Variants in SYNE1 observed in about 807,000 individuals in gnomAD.
SYNE1 encodes spectrin repeat containing nuclear envelope protein 1.
A neutral mutation model predicts 1,111.0 loss-of-function variants in SYNE1; 616 were observed. That is an observed-to-expected ratio of 0.55 (90% CI 0.52 to 0.59). SYNE1 has a LOEUF of 0.59. Among genes scored for constraint, SYNE1 ranks in the 20% least tolerant of loss-of-function variants. SYNE1 has a pLI of 0.00. For missense variants in SYNE1, 10,006 were observed against 10,417.0 expected, an observed-to-expected ratio of 0.96 and a Z score of 1.72; for synonymous variants, 3,855 against 3,825.8, an observed-to-expected ratio of 1.01 and a Z score of -0.28.
At chr6:152,497,150 T>A (rs1484683471) in intron 11 of SYNE1, among the ~76,000 whole-genome samples, 1 of 152,218 alleles carries the variant, frequency 6.6e-6, no homozygotes. Context: ...GGTGGGCTCT[T>A]CACATGGACA....
intron 12 of SYNE1, among the ~76,000 whole-genome samples, chr6:152,487,207 C>T (rs2154299138): frequency 6.6e-6 from 1 of 152,262 alleles, no homozygotes; most frequent in South Asian, 2.1e-4. Context: ...TCTCCTTCTC[C>T]CACTCCCCCA....
intron 119 of SYNE1, among the ~76,000 whole-genome samples, chr6:152,219,781 A>G (rs2079678631): frequency 6.6e-6 from 1 of 152,136 alleles, no homozygotes; most frequent in Admixed American, 6.5e-5. Flanking sequence ...ATTCTTTTCC[A>G]TGGGATCTCT....
At chr6:152,452,916 C>T (rs1358932431) in intron 25 of SYNE1, among the ~76,000 whole-genome samples, 1 of 152,226 alleles carries the variant, frequency 6.6e-6, no homozygotes, top group African/African-American at 2.4e-5. Flanking sequence ...CTGCTTACTC[C>T]CATTTCTGCT....
chr6:152,483,693 G>GA (rs1291643091), intron 13 of SYNE1, among the ~76,000 whole-genome samples: 1 of 152,036 alleles, frequency 6.6e-6, no homozygotes, highest in Non-Finnish European at 1.5e-5. Context: ...AACAAGTTCA[G>GA]AAAAATGAGG....
chr6:152,221,078 T>C (rs1428947607), intron 118 of SYNE1, 32 bp from the exon 119 acceptor site: 13 of 1,606,538 alleles, frequency 8.1e-6, no homozygotes, highest in Non-Finnish European at 1.1e-5. Flanking sequence ...CATGAGCAGA[T>C]TACCACCTCT....
At chr6:152,157,066 A>G (rs2061518076) in intron 131 of SYNE1, among the ~76,000 whole-genome samples, 1 of 152,144 alleles carries the variant, frequency 6.6e-6, no homozygotes, top group Non-Finnish European at 1.5e-5. Context: ...ACCTCAGGTG[A>G]TCCACCCACC....
intron 3 of SYNE1, among the ~76,000 whole-genome samples, chr6:152,556,029 T>C (rs987229893): frequency 6.6e-6 from 1 of 152,096 alleles, no homozygotes; most frequent in Admixed American, 6.6e-5. Context: ...TATGTAAACA[T>C]AGTGAAAAAG....
At chr6:152,184,569 T>C (rs976358727) in intron 128 of SYNE1, among the ~76,000 whole-genome samples, 1 of 152,122 alleles carries the variant, frequency 6.6e-6, no homozygotes, top group African/African-American at 2.4e-5. Context: ...TTTTAAATTT[T>C]TTTTCCTCCC....
intron 95 of SYNE1, among the ~76,000 whole-genome samples, chr6:152,285,156 C>T (rs2094258727): frequency 1.3e-5 from 2 of 152,244 alleles, no homozygotes; most frequent in South Asian, 4.1e-4. Context: ...CTTCCACCAC[C>T]TCTCATTATG....
chr6:152,577,646 G>GA (rs958216052), intron 3 of SYNE1, among the ~76,000 whole-genome samples: 2 of 150,838 alleles, frequency 1.3e-5, no homozygotes, highest in South Asian at 2.1e-4. Flanking sequence ...GACAACAAAA[G>GA]AAAAAAAAAT....
intron 101 of SYNE1, among the ~76,000 whole-genome samples, chr6:152,259,511 CA>C (rs574844825): frequency 5.3e-5 from 8 of 152,092 alleles, no homozygotes; most frequent in Non-Finnish European, 1.0e-4. Flanking sequence ...TTCTAGGATA[CA>C]AAATTGCCAT....
chr6:152,149,392 T>G, intron 136 of SYNE1, 85 bp downstream of exon 136: 1 of 1,526,764 alleles, frequency 6.5e-7, no homozygotes, highest in Non-Finnish European at 9.1e-7. Flanking sequence ...GAGTCTGAGC[T>G]CTCACCCACT....
Position 152,483,194 on chromosome 6 carries a change from A to T in SYNE1, c.1241T>A (p.Ile414Lys). The T allele has an allele frequency of 1.9e-6, 3 of 1,613,756 alleles. No individual in the cohort carries two copies. The highest frequency in any genetic ancestry group is 2.5e-6 in the Non-Finnish European group (3 of 1,179,612). The part of the protein sequence containing the change: ...DKSLPAPLGT[I>K]GAWLYRAEVA... The stretch of plus-strand genomic sequence containing the variant: ...CTCCGCTCTGTACAGCCAGGCACCT[A>T]TGGTGCCCAGAGGTGCAGGAAGAGA... The change falls in exon 14 of 146, where the codon ATA (isoleucine) becomes AAA (lysine). Residue 414 changes from isoleucine (I) to lysine (K), a missense_variant. Ile to Lys is a moderately radical substitution (Grantham distance 102). Coordinates refer to ENST00000367255, the MANE Select transcript of SYNE1 (RefSeq NM_182961.4).
intron 97 of SYNE1, among the ~76,000 whole-genome samples, chr6:152,280,887 C>A (rs962450433): frequency 3.9e-5 from 6 of 151,948 alleles, no homozygotes; most frequent in Non-Finnish European, 5.9e-5. Flanking sequence ...TTAAAAAATC[C>A]GAATGATAAT....
intron 11 of SYNE1, among the ~76,000 whole-genome samples, chr6:152,497,015 C>T (rs895732370): frequency 6.6e-6 from 1 of 152,088 alleles, no homozygotes; most frequent in South Asian, 2.1e-4. Context: ...CTGTAATTTT[C>T]CACTACCCAC....
intron 97 of SYNE1, among the ~76,000 whole-genome samples, chr6:152,281,601 T>C (rs545544171): frequency 6.6e-6 from 1 of 152,360 alleles, no homozygotes; most frequent in African/African-American, 2.4e-5. Flanking sequence ...GGAGACACTG[T>C]GGTCAATGTT....
chr6:152,273,756 G>T (rs981661070), intron 98 of SYNE1, among the ~76,000 whole-genome samples: 4 of 152,230 alleles, frequency 2.6e-5, no homozygotes, highest in Admixed American at 2.6e-4. Context: ...ATAATAGCTA[G>T]AGCTTAGTAA....
chr6:152,510,995 AACTGTAGCACAAT>A lies in SYNE1; in HGVS notation c.402+3_402+15del, dbSNP rs1163781782. The stretch of plus-strand genomic sequence containing the variant: ...GAGACATTGCATCAACTGAAAGAGG[AACTGTAGCACAAT>A]ACCTGGAAATATAGAATAATGGTCC... On this transcript the variant is annotated splice_donor_5th_base_variant and intron_variant, in intron 7 of 145. Coordinates refer to ENST00000367255, the MANE Select transcript of SYNE1 (RefSeq NM_182961.4). The A allele has an allele frequency of 6.2e-7, 1 of 1,608,002 alleles. No individual in the cohort carries two copies.
rs572658153 is a variant in SYNE1, at chr6:152,534,836, T to C, written c.129+5124A>G. On this transcript the variant is annotated intron_variant, in intron 4 of 145. Transcript: ENST00000367255. ...CACCACTAAAGTGATATTTTATGAC[T>C]ATAAAGATGTCATTTAAATTCATGA... is the stretch of plus-strand genomic sequence containing the variant. Among the ~76,000 whole-genome samples the C allele has an allele frequency of 9.2e-5, 14 of 152,370 alleles. No individual in the cohort carries two copies. In the South Asian group the frequency reaches 2.9e-3, roughly 32 times the overall value.
Sources: allele counts gnomAD v4.1 joint callset (sites outside exome capture counted in the v4.1 genomes callset), GRCh38; gene constraint gnomAD v4.1.1; transcripts MANE v1.5; gene names NCBI Gene and HGNC (gene_info 2026-07-23, HGNC 2026-07-21).